The following ULK4 variants were observed in gnomAD, a reference collection of about 807,000 sequenced individuals.
ULK4 encodes the protein inactive serine/threonine-protein kinase ULK4.
A neutral mutation model predicts 160.6 loss-of-function variants in ULK4; 133 were observed. That is an observed-to-expected ratio of 0.83 (90% confidence interval 0.72 to 0.96). The LOEUF (loss-of-function observed/expected upper bound fraction) is 0.96. Among genes scored for constraint, ULK4 ranks in the 40% least tolerant of loss-of-function variants. The pLI is 0.00. For missense variants in ULK4, 1,580 were observed against 1,499.5 expected (o/e 1.05, Z -0.89); for synonymous variants, 534 against 539.8 (o/e 0.99, Z 0.15).
chr3:41,541,668 T>G (rs576280162), intron 32 of ULK4, among the ~76,000 whole-genome samples: 4 of 152,340 alleles, frequency 2.6e-5, no homozygotes, highest in Non-Finnish European at 5.9e-5. Context: ...GAGCATGGAA[T>G]GTTTTTCCAT....
At chr3:41,866,493 C>T (rs569002164) in intron 17 of ULK4, among the ~76,000 whole-genome samples, 18 of 152,296 alleles carry the variant, frequency 1.2e-4, no homozygotes, top group Middle Eastern at 3.4e-3. Flanking sequence ...CCCTCGCATG[C>T]GCAGTTCACA....
chr3:41,701,497 C>A (rs2036674497), intron 27 of ULK4, among the ~76,000 whole-genome samples: 1 of 152,122 alleles, frequency 6.6e-6, no homozygotes, highest in South Asian at 2.1e-4. Context: ...TAATACTCAG[C>A]AAAATATCCC....
chr3:41,487,901 A>G (rs887638505), intron 32 of ULK4, among the ~76,000 whole-genome samples: 45 of 152,230 alleles, frequency 3.0e-4, no homozygotes, highest in African/African-American at 1.1e-3. Flanking sequence ...AGTGATTCTT[A>G]CAAATCACTA....
intron 35 of ULK4, among the ~76,000 whole-genome samples, chr3:41,287,538 T>C (rs1447926383): frequency 3.3e-5 from 5 of 152,160 alleles, no homozygotes; most frequent in Admixed American, 1.3e-4. Flanking sequence ...TGGGATGAAA[T>C]TTGGTCGTGT....
intron 27 of ULK4, among the ~76,000 whole-genome samples, chr3:41,693,008 T>C (rs1575576971): frequency 1.3e-5 from 2 of 152,238 alleles, no homozygotes; most frequent in Non-Finnish European, 1.5e-5. Flanking sequence ...AGCTAAATAA[T>C]AGTAAATGCA....
At chr3:41,586,847 C>T (rs1328855014) in intron 31 of ULK4, among the ~76,000 whole-genome samples, 1 of 151,968 alleles carries the variant, frequency 6.6e-6, no homozygotes, top group Non-Finnish European at 1.5e-5. Flanking sequence ...TTCAAATTAA[C>T]TGTAAAAAAT....
intron 34 of ULK4, among the ~76,000 whole-genome samples, chr3:41,425,133 A>G (rs1022495180): frequency 2.6e-5 from 4 of 152,148 alleles, no homozygotes; most frequent in African/African-American, 9.7e-5. Context: ...ACCACAATAC[A>G]AGAACTTCGC....
At chr3:41,686,884 A>G (rs922389803) in intron 27 of ULK4, among the ~76,000 whole-genome samples, 5 of 152,234 alleles carry the variant, frequency 3.3e-5, no homozygotes, top group African/African-American at 1.2e-4. Flanking sequence ...ACAGTTTTCT[A>G]AAGAACTGTA....
intron 35 of ULK4, among the ~76,000 whole-genome samples, chr3:41,348,845 G>A (rs766091167): frequency 5.3e-5 from 8 of 152,090 alleles, no homozygotes; most frequent in Admixed American, 2.0e-4. Flanking sequence ...GCTGCACCTC[G>A]CCAGAGTGGA....
intron 35 of ULK4, among the ~76,000 whole-genome samples, chr3:41,340,569 TATTTAA>T (rs1382660066): frequency 1.3e-4 from 20 of 152,270 alleles, no homozygotes; most frequent in Admixed American, 1.3e-3. Context: ...CACATGTAGC[TATTTAA>T]ATTTAAGTAA....
chr3:41,710,969 C>T (rs553681814), intron 25 of ULK4, among the ~76,000 whole-genome samples: 1 of 151,990 alleles, frequency 6.6e-6, no homozygotes, highest in South Asian at 2.1e-4. Context: ...AGGAAATGAG[C>T]TGAAAATCAG....
chr3:41,710,176 G>A (rs2037043726), intron 25 of ULK4, among the ~76,000 whole-genome samples: 1 of 151,934 alleles, frequency 6.6e-6, no homozygotes, highest in African/African-American at 2.4e-5. Context: ...AGAATTATGG[G>A]CTTATTTTAT....
chr3:41,761,115 A>G (rs1351411802), intron 21 of ULK4, among the ~76,000 whole-genome samples: 1 of 152,154 alleles, frequency 6.6e-6, no homozygotes, highest in East Asian at 1.9e-4. Context: ...CTAAGACAAA[A>G]GCAGCACAAG....
chr3:41,599,633 C>A (rs1262368937), intron 31 of ULK4, among the ~76,000 whole-genome samples: 1 of 146,646 alleles, frequency 6.8e-6, no homozygotes, highest in Non-Finnish European at 1.5e-5. Flanking sequence ...GGCGCGATCT[C>A]GGCTCACTGC....
chr3:41,308,970 G>T (rs960564797), intron 35 of ULK4, among the ~76,000 whole-genome samples: 3 of 152,140 alleles, frequency 2.0e-5, no homozygotes, highest in African/African-American at 7.2e-5. Context: ...AAAAGCTTAA[G>T]AAACAGCAGC....
chr3:41,528,031 A>C (rs2086179404), intron 32 of ULK4, among the ~76,000 whole-genome samples: 1 of 152,236 alleles, frequency 6.6e-6, no homozygotes. Context: ...ATTATCCACT[A>C]CAGAACTGGG....
At chr3:41,687,223 A>C (rs1014856334) in intron 27 of ULK4, among the ~76,000 whole-genome samples, 2 of 152,022 alleles carry the variant, frequency 1.3e-5, no homozygotes, top group African/African-American at 4.8e-5. Context: ...AAATACAAAA[A>C]TTAGCTGGGT....
chr3:41,796,724 T>C (rs1282060614), intron 20 of ULK4, among the ~76,000 whole-genome samples: 5 of 152,210 alleles, frequency 3.3e-5, no homozygotes, highest in African/African-American at 9.7e-5. Context: ...TGTCTATGCA[T>C]GGGTACATAT....
At chr3:41,620,581 A>C (rs192343292) in intron 30 of ULK4, among the ~76,000 whole-genome samples, 27 of 152,206 alleles carry the variant, frequency 1.8e-4, no homozygotes, top group Admixed American at 6.5e-4. Flanking sequence ...CATGCTAAAA[A>C]CTCTCAATAA....
Sources: gnomAD v4.1 joint callset for allele counts (sites outside exome capture counted in the v4.1 genomes callset) on GRCh38, gnomAD v4.1.1 for gene constraint, MANE v1.5 for transcripts, NCBI Gene and HGNC (gene_info 2026-07-23, HGNC 2026-07-21) for gene names.